Variants in FN3K observed in about 807,000 individuals in gnomAD.
FN3K encodes the protein fructosamine 3 kinase.
In FN3K, 24 loss-of-function variants were observed where a neutral mutation model predicts 24.8. The observed-to-expected ratio is 0.97, with a 90% CI of 0.70 to 1.36. The LOEUF is 1.36. Among genes scored for constraint, FN3K ranks in the 40% most tolerant of loss-of-function variants. The pLI, the probability that FN3K is intolerant of heterozygous loss-of-function variation, is 0.00. For missense variants in FN3K, 449 were observed against 416.7 expected (o/e 1.08, Z -0.67); for synonymous variants, 192 against 175.2 (o/e 1.10, Z -0.76).
chr17:82,747,944 C>T (rs2046977561), intron 4 of FN3K, among the ~76,000 whole-genome samples: 1 of 152,116 alleles, frequency 6.6e-6, no homozygotes, highest in South Asian at 2.1e-4. Flanking sequence ...GGGTGGGCAC[C>T]ATTGAGTCAA....
In FN3K at chr17:82,750,774, C is replaced by G. The variant is rs909465203; in HGVS notation, c.*19C>G. On this transcript the variant is annotated 3_prime_UTR_variant, in exon 6 of 6. Transcript: ENST00000300784. ...CAAGTAGCGGCCCCTGCCCTCCCTT[C>G]CCCTGTCCCCGTCCCCGTCTCCGTC... The G allele has an allele frequency of 3.8e-6, 6 of 1,596,364 alleles. No homozygotes were observed. The highest frequency in any genetic ancestry group is 5.1e-6 in the Non-Finnish European group (6 of 1,170,974).
In FN3K at chr17:82,750,788, C is replaced by CCCGTCT. The variant is rs754432098; in HGVS notation, c.*42_*47dup. The stretch of plus-strand genomic sequence containing the variant: ...TGCCCTCCCTTCCCCTGTCCCCGTC[C>CCCGTCT]CCGTCTCCGTCTCCCCGTCCCTGTC... On this transcript the variant is annotated 3_prime_UTR_variant, in exon 6 of 6. Coordinates refer to ENST00000300784, the MANE Select transcript of FN3K (RefSeq NM_022158.4). 1.6e-5 allele frequency: 25 copies of CCCGTCT among 1,560,280 alleles called. No individual in the cohort carries two copies. Among genetic ancestry groups the CCCGTCT allele is most frequent in the East Asian group, 2.3e-5 (1 of 44,442 alleles).
rs758064945 is a variant in FN3K, at chr17:82,741,314, G to T, written c.389G>T (p.Arg130Leu). ...KLKEEENTVG[R>L]RGEGAEPQYV... Reference sequence around the variant, plus strand: ...GGCCAAGGATCTCTGTCAACAGGCCGAAGAGGTGAGGGTGCTGAGCCTCAG... The same window carrying T: ...GGCCAAGGATCTCTGTCAACAGGCCTAAGAGGTGAGGGTGCTGAGCCTCAG... The change falls in exon 4 of 6, where the codon CGA becomes CTA. Residue 130 changes from arginine to leucine, a missense_variant. Transcript: ENST00000300784. 2 of 1,613,724 alleles carry T rather than the reference G, an allele frequency of 1.2e-6. No individual in the cohort carries two copies. Among genetic ancestry groups the T allele is most frequent in the East Asian group, 2.2e-5 (1 of 44,868 alleles).
intron 4 of FN3K, chr17:82,742,858 T>C: frequency 5.3e-6 from 2 of 374,390 alleles, no homozygotes; most frequent in Non-Finnish European, 1.1e-5. Context: ...TCCTGACTAG[T>C]TGGGTCCCTG....
rs1211907445 is a variant in FN3K at position 82,738,196 on chromosome 17, G to A, written c.142-293G>A. 9 of 402,820 alleles carry A rather than the reference G, an allele frequency of 2.2e-5. No individual in the cohort carries two copies. The East Asian group carries it at 2.3e-4, about 10-fold the overall frequency. The allele number at this position is 402,820 out of a possible 1,614,324, so 25.0% of individuals were successfully genotyped here. A position where few individuals can be genotyped will look rare whatever the true frequency, so the allele number is the denominator to read the frequency against. Reference sequence around the variant, plus strand: ...CCTTGGTTCACTCACACCTCCCCACGCCCTCAGTGCTCCCGGGCACCCACA... The same window carrying A: ...CCTTGGTTCACTCACACCTCCCCACACCCTCAGTGCTCCCGGGCACCCACA... On this transcript the variant is annotated intron_variant, in intron 1 of 5. Coordinates refer to ENST00000300784, the MANE Select transcript of FN3K (RefSeq NM_022158.4).
Position 82,738,657 on chromosome 17 carries a change from C to T in FN3K, c.293+17C>T. The T allele has an allele frequency of 6.2e-7, 1 of 1,613,076 alleles. No homozygotes were observed. Among genetic ancestry groups the T allele is most frequent in the Non-Finnish European group, 8.5e-7 (1 of 1,179,350 alleles). On this transcript the variant is annotated intron_variant, in intron 2 of 5. Coordinates refer to ENST00000300784, the MANE Select transcript of FN3K (RefSeq NM_022158.4). The stretch of plus-strand genomic sequence containing the variant: ...CTTGAGCAGGTGAGTGTGTGTGAGA[C>T]CCATATGCGCACATGTGTACAGGCA...
chr17:82,750,752 G>C lies in FN3K; in HGVS notation c.927G>C (p.Lys309Asn). 1 of 1,611,492 alleles carries C rather than the reference G, an allele frequency of 6.2e-7. No individual in the cohort carries two copies. ...TGGGCACCATGCGAAGGCTGCTCAA[G>C]TAGCGGCCCCTGCCCTCCCTTCCCC... ...PSLGTMRRLL[K>N] The change falls in exon 6 of 6, where the codon AAG becomes AAC. Residue 309 changes from lysine (K) to asparagine (N), a missense_variant. Lys to Asn is a moderately conservative substitution (Grantham distance 94). Transcript: ENST00000300784.
In FN3K at chr17:82,735,643, C is replaced by G. The variant is rs761200460; in HGVS notation, c.7C>G (p.Gln3Glu). 5 of 1,538,032 alleles carry G rather than the reference C, an allele frequency of 3.3e-6. No homozygotes were observed. The highest frequency in any genetic ancestry group is 4.3e-6 in the Non-Finnish European group (5 of 1,149,878). Residue 3 changes from glutamine (Q) to glutamate (E), a missense_variant, in exon 1 of 6, where the codon CAG becomes GAG. Gln to Glu is a conservative substitution (Grantham distance 29). Coordinates refer to ENST00000300784, the MANE Select transcript of FN3K (RefSeq NM_022158.4). Reference protein sequence around the residue: MEQLLRAELRTAT... With the variant: MEELLRAELRTAT... ...GTCCCGCGCCCCGCACTCCATGGAG[C>G]AGCTGCTGCGCGCCGAGCTGCGCAC...
intron 1 of FN3K, 155 bp from the exon 2 acceptor site, chr17:82,738,334 C>T: frequency 2.0e-6 from 2 of 996,974 alleles, no homozygotes; most frequent in Non-Finnish European, 3.0e-6. Flanking sequence ...CCCTCTGCAC[C>T]CTGCCCTCTG....
At position 82,735,746 on chromosome 17, in the gene FN3K, C is replaced by T; in HGVS notation, c.110C>T (p.Pro37Leu). Residue 37 changes from proline to leucine, a missense_variant, in exon 1 of 6, where the codon CCA (proline) becomes CTA (leucine). Transcript: ENST00000300784. ...EGRAYDTDAG[P>L]VFVKVNRRTQ... is the part of the protein sequence containing the mutation. ...CGAGCCTACGACACGGACGCAGGCC[C>T]AGTGTTCGTCAAAGTCAACCGCAGG... 1 of 1,563,192 alleles carries T rather than the reference C, an allele frequency of 6.4e-7. No individual in the cohort carries two copies. The highest frequency in any genetic ancestry group is 8.7e-7 in the Non-Finnish European group (1 of 1,155,842).
At chr17:82,741,203 A>T in intron 3 of FN3K, 108 bp from the exon 4 acceptor site, 1 of 955,890 alleles carries the variant, frequency 1.0e-6, no homozygotes, top group Non-Finnish European at 1.6e-6. Flanking sequence ...TCCTCAGACC[A>T]CCTATATTCT....
rs139392875 is a variant in FN3K at position 82,740,792 on chromosome 17, C to A, written c.323C>A (p.Ala108Glu). The A allele has an allele frequency of 6.7e-4, 1,079 of 1,613,614 alleles. 3 individuals are homozygous for A. The highest frequency in any genetic ancestry group is 8.3e-4 in the Non-Finnish European group (980 of 1,179,678). ...GCATCAAAACTTGGAGAGCAGATGG[C>A]AGATTTGCATCTTTACAACCAGAAG... ...SQASKLGEQM[A>E]DLHLYNQKLR... Residue 108 changes from alanine (A) to glutamate (E), a missense_variant, in exon 3 of 6, where the codon GCA becomes GAA. Ala to Glu is a moderately radical substitution (Grantham distance 107). Coordinates refer to ENST00000300784, the MANE Select transcript of FN3K (RefSeq NM_022158.4).
At chr17:82,750,069 CAACAAAACCA>C (rs1365636478) in intron 5 of FN3K, among the ~76,000 whole-genome samples, 3 of 152,046 alleles carry the variant, frequency 2.0e-5, no homozygotes, top group Admixed American at 6.6e-5. Context: ...AAGAAAAAAA[CAACAAAACCA>C]AACAAAACCT....
chr17:82,738,553 G>A lies in FN3K; in HGVS notation c.206G>A (p.Arg69Gln), dbSNP rs779354525. The change falls in exon 2 of 6, where the codon CGG (arginine) becomes CAG (glutamine). Residue 69 changes from arginine to glutamine, a missense_variant. Arg to Gln is a conservative substitution (Grantham distance 43, BLOSUM62 1). Coordinates refer to ENST00000300784, the MANE Select transcript of FN3K (RefSeq NM_022158.4). ...GCCCTCAGGAGCACGGGCCTGGTGC[G>A]GGTGCCGAGGCCCATGAAGGTCATC... ...LEALRSTGLV[R>Q]VPRPMKVIDL... The A allele has an allele frequency of 3.7e-6, 6 of 1,612,930 alleles. No individual in the cohort carries two copies. Among genetic ancestry groups the A allele is most frequent in the African/African-American group, 1.3e-5 (1 of 75,018 alleles).
At chr17:82,747,896 C>G (rs1262563493) in intron 4 of FN3K, among the ~76,000 whole-genome samples, 3 of 152,158 alleles carry the variant, frequency 2.0e-5, no homozygotes, top group African/African-American at 7.2e-5. Flanking sequence ...CCTCCAAATA[C>G]AGGTATATTA....
chr17:82,738,315 A>AT (rs2046917247), intron 1 of FN3K, 174 bp from the exon 2 acceptor site: 10 of 682,000 alleles, frequency 1.5e-5, no homozygotes, highest in African/African-American at 7.6e-5. Flanking sequence ...CTCGTCTCCG[A>AT]CGGGGGGCCC....
chr17:82,750,682 TGAACCACTG>T lies in FN3K; in HGVS notation c.866_874del (p.Trp289_His291del). The T allele has an allele frequency of 6.2e-7, 1 of 1,613,814 alleles. No homozygotes were observed. Among genetic ancestry groups the T allele is most frequent in the South Asian group, 1.1e-5 (1 of 91,076 alleles). ...CTGCTCTACCAGCTGTTTAACTACC[TGAACCACTG>T]GAACCACTTCGGGCGGGAGTACAGG... On this transcript the variant is annotated inframe_deletion, in exon 6 of 6. Transcript: ENST00000300784.
chr17:82,739,668 A>G (rs2046929918), intron 2 of FN3K, among the ~76,000 whole-genome samples: 1 of 151,984 alleles, frequency 6.6e-6, no homozygotes, highest in Non-Finnish European at 1.5e-5. Flanking sequence ...CATGTTAGCC[A>G]GGATGGTCTC....
intron 4 of FN3K, among the ~76,000 whole-genome samples, chr17:82,746,981 C>T (rs1357523364): frequency 3.3e-5 from 5 of 151,938 alleles, no homozygotes; most frequent in Non-Finnish European, 7.4e-5. Flanking sequence ...CCTGCCACCA[C>T]GCCTGGCTAA....
Sources: gnomAD v4.1 joint callset for allele counts (sites outside exome capture counted in the v4.1 genomes callset) on GRCh38, gnomAD v4.1.1 for gene constraint, MANE v1.5 for transcripts, NCBI Gene and HGNC (gene_info 2026-07-23, HGNC 2026-07-21) for gene names.